Variants in KCNIP4 observed in about 807,000 individuals in gnomAD.
The protein encoded by KCNIP4 is Kv channel-interacting protein 4.
Under a neutral mutation model 34.0 loss-of-function variants are expected in KCNIP4, and 12 were observed. That is an observed-to-expected ratio of 0.35 (90% CI 0.23 to 0.57). The LOEUF is 0.57. KCNIP4 is among the 20% of genes least tolerant of loss of function. The pLI, the probability that KCNIP4 is intolerant of heterozygous loss-of-function variation, is 0.83. For synonymous variants in KCNIP4, 124 were observed against 102.2 expected, an observed-to-expected ratio of 1.21 and a Z score of -1.29; for missense variants, 238 against 311.7, an observed-to-expected ratio of 0.76 and a Z score of 1.78.
chr4:21,205,194 G>C (rs993449078), intron 1 of KCNIP4, among the ~76,000 whole-genome samples: 1 of 152,140 alleles, frequency 6.6e-6, no homozygotes, highest in Non-Finnish European at 1.5e-5. Flanking sequence ...ATATTTCTTA[G>C]CAAACATCCA....
intron 1 of KCNIP4, among the ~76,000 whole-genome samples, chr4:21,393,638 C>T (rs920434463): frequency 1.2e-4 from 19 of 152,124 alleles, no homozygotes; most frequent in African/African-American, 7.2e-5. Context: ...GACATAAACC[C>T]TGAAAATTTC....
chr4:21,259,297 C>T (rs1452761508), intron 1 of KCNIP4, among the ~76,000 whole-genome samples: 1 of 152,222 alleles, frequency 6.6e-6, no homozygotes, highest in African/African-American at 2.4e-5. Flanking sequence ...AATGAGAAGA[C>T]TGGCCTAGTT....
rs540899627 is a variant in KCNIP4, at chr4:21,919,482, G to A, written c.61+29089C>T. Among the ~76,000 whole-genome samples, 6 of 152,284 alleles carry A rather than the reference G, an allele frequency of 3.9e-5. No individual in the cohort carries two copies. The East Asian group carries it at 1.2e-3, about 29-fold the overall frequency. On this transcript the variant is annotated intron_variant, in intron 1 of 8. Transcript: ENST00000382152. ...GAAGCTTTAATAAGGATGTGAGACA[G>A]CCCAATGGATGAACCATACCATTCA...
chr4:21,153,692 C>A (rs1337316861), intron 1 of KCNIP4, among the ~76,000 whole-genome samples: 1 of 151,994 alleles, frequency 6.6e-6, no homozygotes, highest in Non-Finnish European at 1.5e-5. Context: ...TTCCTAGAAC[C>A]TTTGGAATTC....
At chr4:20,875,654 G>A (rs1339365639) in intron 2 of KCNIP4, among the ~76,000 whole-genome samples, 1 of 151,962 alleles carries the variant, frequency 6.6e-6, no homozygotes, top group Non-Finnish European at 1.5e-5. Context: ...TACATGCCTA[G>A]GTCAGAGCCT....
In KCNIP4 at chr4:21,726,469, G is replaced by A. The variant is rs144120441; in HGVS notation, c.61+222102C>T. Among the ~76,000 whole-genome samples the A allele has an allele frequency of 2.6e-5, 4 of 152,272 alleles. No homozygotes were observed. The East Asian group carries it at 7.7e-4, about 29-fold the overall frequency. On this transcript the variant is annotated intron_variant, in intron 1 of 8. Transcript: ENST00000382152. ...AGTAATTTTTCCCTAACTATGGGAT[G>A]ACCTAGAGCACAAGTTAGAAAAATC...
intron 1 of KCNIP4, among the ~76,000 whole-genome samples, chr4:21,826,548 A>G (rs1722688880): frequency 1.3e-5 from 2 of 152,130 alleles, no homozygotes. Context: ...CTAGGATAAA[A>G]GCTATAAGAC....
At chr4:21,694,925 AAAAAATAAAAATAAATAAAT>A (rs1418034857) in intron 1 of KCNIP4, among the ~76,000 whole-genome samples, 1 of 96,622 alleles carries the variant, frequency 1.0e-5, no homozygotes, top group African/African-American at 4.0e-5. Context: ...AAAAAAAAAA[AAAAAATAAAAATAAATAAAT>A]AAATAAAGGG....
intron 1 of KCNIP4, among the ~76,000 whole-genome samples, chr4:21,205,084 A>C (rs1448504516): frequency 6.6e-6 from 1 of 152,246 alleles, no homozygotes; most frequent in Non-Finnish European, 1.5e-5. Context: ...AAGCTGGTTC[A>C]TCAAGAATGC....
intron 1 of KCNIP4, among the ~76,000 whole-genome samples, chr4:21,921,830 T>C (rs1304071752): frequency 6.6e-6 from 1 of 152,190 alleles, no homozygotes; most frequent in African/African-American, 2.4e-5. Flanking sequence ...CATCTCAATA[T>C]CCATTTCCCA....
chr4:21,817,563 C>G (rs573652505), intron 1 of KCNIP4, among the ~76,000 whole-genome samples: 1 of 152,060 alleles, frequency 6.6e-6, no homozygotes, highest in Non-Finnish European at 1.5e-5. Context: ...TAAATGGACA[C>G]GCAAGTAGGG....
intron 1 of KCNIP4, among the ~76,000 whole-genome samples, chr4:21,204,964 AT>A (rs377606559): frequency 5.9e-5 from 9 of 152,316 alleles, no homozygotes; most frequent in African/African-American, 2.2e-4. Context: ...GACTTTCAAA[AT>A]TGCTACCAAT....
chr4:21,862,752 T>A (rs1347277717), intron 1 of KCNIP4, among the ~76,000 whole-genome samples: 3 of 152,154 alleles, frequency 2.0e-5, no homozygotes, highest in African/African-American at 7.2e-5. Context: ...GGTGGGCAGA[T>A]CACGAGGTCA....
chr4:21,501,765 T>C (rs1391677516), intron 1 of KCNIP4, among the ~76,000 whole-genome samples: 3 of 149,156 alleles, frequency 2.0e-5, no homozygotes, highest in African/African-American at 7.4e-5. Context: ...CCATAGTCTA[T>C]GAACATCACC....
intron 1 of KCNIP4, among the ~76,000 whole-genome samples, chr4:21,801,581 T>G (rs544336423): frequency 6.6e-6 from 1 of 152,080 alleles, no homozygotes; most frequent in East Asian, 1.9e-4. Context: ...AAATGACACA[T>G]GAAGAATTTT....
chr4:20,913,500 T>C (rs1212941983), intron 1 of KCNIP4, among the ~76,000 whole-genome samples: 1 of 152,200 alleles, frequency 6.6e-6, no homozygotes, highest in Non-Finnish European at 1.5e-5. Flanking sequence ...TAAAAACCAC[T>C]GGATTGTATA....
At chr4:21,170,806 T>C (rs748772817) in intron 1 of KCNIP4, among the ~76,000 whole-genome samples, 13 of 152,204 alleles carry the variant, frequency 8.5e-5, no homozygotes, top group Non-Finnish European at 1.2e-4. Flanking sequence ...AATTACATTT[T>C]TGTATGTAAA....
chr4:21,092,720 G>A (rs1486217886), intron 1 of KCNIP4, among the ~76,000 whole-genome samples: 2 of 152,178 alleles, frequency 1.3e-5, no homozygotes, highest in East Asian at 1.9e-4. Flanking sequence ...GGGGCAGGGA[G>A]CATACTCCAT....
At chr4:21,511,771 G>C (rs416558) in intron 1 of KCNIP4, among the ~76,000 whole-genome samples, 15 of 152,056 alleles carry the variant, frequency 9.9e-5, no homozygotes, top group Non-Finnish European at 1.5e-5. Flanking sequence ...GCCCCTTAGA[G>C]TCCCGTGATA....
Sources: gnomAD v4.1 joint callset for allele counts (sites outside exome capture counted in the v4.1 genomes callset) on GRCh38, gnomAD v4.1.1 for gene constraint, MANE v1.5 for transcripts, NCBI Gene and HGNC (gene_info 2026-07-23, HGNC 2026-07-21) for gene names.